IP6K3: variants seen among roughly 807,000 people sequenced by gnomAD.
IP6K3 encodes the protein ATP:1D-myo-inositol-hexakisphosphate phosphotransferase.
IP6K3 carries 20 observed loss-of-function variants against 28.8 expected under a neutral mutation model. The ratio of observed to expected loss-of-function variants is 0.70; its 90% CI spans 0.49 to 1.01. The LOEUF (loss-of-function observed/expected upper bound fraction) is 1.01, where lower values mean the gene tolerates loss of function less well. Ranked by LOEUF, IP6K3 falls within the 50% of genes least tolerant of loss-of-function variation. The probability of loss-of-function intolerance (pLI) is 0.00; values close to 1 mark genes in which losing one functional copy is unlikely to be tolerated. For missense variants in IP6K3, 480 were observed against 537.1 expected (o/e 0.89, Z 1.05); for synonymous variants, 213 against 221.3 (o/e 0.96, Z 0.33).
intron 1 of IP6K3, among the ~76,000 whole-genome samples, chr6:33,737,107 T>C (rs1174440542): frequency 6.6e-6 from 1 of 152,178 alleles, no homozygotes; most frequent in Non-Finnish European, 1.5e-5. Context: ...GGGCCTGCTC[T>C]TCTCTAGGCC....
In IP6K3 at chr6:33,721,924, C is replaced by T. The variant is rs933662942; in HGVS notation, c.*796G>A. 23 of 152,606 alleles carry T rather than the reference C, an allele frequency of 1.5e-4. No homozygotes were observed. Among genetic ancestry groups the T allele is most frequent in the Admixed American group, 5.9e-4 (9 of 15,292 alleles). The allele number at this position is 152,606 out of a possible 1,614,324, so 9.5% of individuals were successfully genotyped here. A position where few individuals can be genotyped will look rare whatever the true frequency, so the allele number is the denominator to read the frequency against. The stretch of plus-strand genomic sequence containing the variant: ...ATAGAAAGCAGAGAGTAGAGCAGGA[C>T]GTCAGTGGTCCCTTTTTATGTGCGT... On this transcript the variant is annotated 3_prime_UTR_variant, in exon 6 of 6. Coordinates refer to ENST00000293756, the MANE Select transcript of IP6K3 (RefSeq NM_054111.5).
At chr6:33,759,149 C>T in the IP6K3 span, among the ~76,000 whole-genome samples, 1 of 152,164 alleles carries the variant, frequency 6.6e-6, no homozygotes, top group African/African-American at 2.4e-5. Context: ...ATAAATTTGT[C>T]GTGTATGCAT....
intron 5 of IP6K3, 143 bp downstream of exon 5, chr6:33,725,298 G>T: frequency 1.5e-6 from 1 of 676,168 alleles, no homozygotes; most frequent in Non-Finnish European, 2.3e-6. Flanking sequence ...GCATTTCCTT[G>T]TTGGAGGCTC....
At chr6:33,758,775 T>C in the IP6K3 span, among the ~76,000 whole-genome samples, 20 of 152,112 alleles carry the variant, frequency 1.3e-4, no homozygotes, top group Admixed American at 1.3e-4. Flanking sequence ...CTTTTTGTGT[T>C]TTTAGTAGAG....
Sources: gnomAD v4.1 joint callset for allele counts (sites outside exome capture counted in the v4.1 genomes callset) on GRCh38, gnomAD v4.1.1 for gene constraint, MANE v1.5 for transcripts, NCBI Gene and HGNC (gene_info 2026-07-23, HGNC 2026-07-21) for gene names.